Variants in STAT4 observed in about 807,000 individuals in gnomAD.
STAT4 encodes the protein signal transducer and activator of transcription 4.
In STAT4, 42 loss-of-function variants were observed where a neutral mutation model predicts 110.5. That is an observed-to-expected ratio of 0.38 (90% CI 0.30 to 0.49). The LOEUF (loss-of-function observed/expected upper bound fraction) is 0.49, where lower values mean the gene tolerates loss of function less well. Ranked by LOEUF, STAT4 falls within the 20% of genes least tolerant of loss-of-function variation. The pLI, the probability that STAT4 is intolerant of heterozygous loss-of-function variation, is 0.95. For missense variants in STAT4, 632 were observed against 887.9 expected (o/e 0.71, Z 3.66); for synonymous variants, 284 against 302.2 (o/e 0.94, Z 0.63).
chr2:191,093,361 G>A (rs1697862158), intron 3 of STAT4, among the ~76,000 whole-genome samples: 1 of 152,178 alleles, frequency 6.6e-6, no homozygotes, highest in Admixed American at 6.5e-5. Context: ...GAAGGATCAG[G>A]CAGCAATATT....
intron 3 of STAT4, among the ~76,000 whole-genome samples, chr2:191,105,928 AG>A (rs1354673129): frequency 6.6e-6 from 1 of 152,208 alleles, no homozygotes; most frequent in African/African-American, 2.4e-5. Flanking sequence ...TGTTGGCATC[AG>A]CACAGGGGCC....
rs140960347 is a variant in STAT4, at chr2:191,141,351, A to G, written c.273+5262T>C. 3.0e-3 allele frequency among the ~76,000 whole-genome samples: 451 copies of G among 150,900 alleles called. 10 individuals carry two copies. The highest frequency in any genetic ancestry group is 0.029 in the South Asian group (137 of 4,800). On this transcript the variant is annotated intron_variant, in intron 3 of 23. Transcript: ENST00000392320. Reference sequence around the variant, plus strand: ...TGAAACCACAATAAGATATCATCTTACCCCCGTTAAAATGGTTATTTTATA... The same window carrying G: ...TGAAACCACAATAAGATATCATCTTGCCCCCGTTAAAATGGTTATTTTATA...
rs1248622287 is a variant in STAT4 at position 191,037,040 on chromosome 2, G to T, written c.1435-741C>A. ...CGCTTGACATCTCTTTAACTTTTCC[G>T]TATCAGTCTACTCATGCAAGAACTT... On this transcript the variant is annotated intron_variant, in intron 16 of 23. Transcript: ENST00000392320. The surrounding 1 kb of genome is among the most constrained non-coding windows in gnomAD (Gnocchi z 4.8). Among the ~76,000 whole-genome samples, 1 of 152,038 alleles carries T rather than the reference G, an allele frequency of 6.6e-6. No homozygotes were observed. The highest frequency in any genetic ancestry group is 1.9e-4 in the East Asian group (1 of 5,182).
chr2:191,057,767 T>C (rs1696747542), intron 13 of STAT4, among the ~76,000 whole-genome samples: 1 of 151,674 alleles, frequency 6.6e-6, no homozygotes, highest in African/African-American at 2.4e-5. Context: ...CCTGGCTAAT[T>C]TTTTGTATTT....
In STAT4 at chr2:191,073,644, C is replaced by T. The variant is rs555613886; in HGVS notation, c.373-454G>A. Among the ~76,000 whole-genome samples the T allele has an allele frequency of 4.7e-4, 72 of 152,268 alleles. 2 individuals are homozygous for T. In the South Asian group the frequency reaches 0.013, roughly 28 times the overall value. ...GGCAGAGGTTGCATTGAGCTGAGAT[C>T]GTGCCACTGCGCTCCAGCCTGGGCG... is the stretch of plus-strand genomic sequence containing the variant. On this transcript the variant is annotated intron_variant, in intron 4 of 23. Transcript: ENST00000392320.
rs1311818783 is a variant in STAT4 at position 191,112,463 on chromosome 2, T to A, written c.273+34150A>T. 6.6e-6 allele frequency among the ~76,000 whole-genome samples: 1 copy of A among 152,224 alleles called. No homozygotes were observed. Among genetic ancestry groups the A allele is most frequent in the Non-Finnish European group, 1.5e-5 (1 of 68,040 alleles). On this transcript the variant is annotated intron_variant, in intron 3 of 23. Coordinates refer to ENST00000392320, the MANE Select transcript of STAT4 (RefSeq NM_003151.4). This position sits in a 1 kb window ranked among gnomAD's most constrained non-coding sequence, Gnocchi z 4.3. ...TGTATCTAGTAGTAAATGGTCATCATTGTTCTAAGCCACATATATGCAAAT... is the reference window on the plus strand; with the variant it reads ...TGTATCTAGTAGTAAATGGTCATCAATGTTCTAAGCCACATATATGCAAAT...
rs1696983987 is a variant in STAT4, at chr2:191,066,295, TC to T, written c.630+134del. 1.3e-6 allele frequency: 1 copy of T among 755,312 alleles called. No homozygotes were observed. The highest frequency in any genetic ancestry group is 2.2e-6 in the Non-Finnish European group (1 of 456,750). 46.8% of individuals were successfully genotyped at this position (755,312 alleles called of 1,614,324 possible). ...AGCATGGCAAACAGCGTGGGACTGT[TC>T]CTAGAAACCTTGCCGTTTCTTCATT... On this transcript the variant is annotated intron_variant, in intron 7 of 23. Transcript: ENST00000392320. The surrounding 1 kb of genome is among the most constrained non-coding windows in gnomAD (Gnocchi z 4.3).
At position 191,110,894 on chromosome 2, in the gene STAT4, C is replaced by T. The variant is rs1698405108; in HGVS notation, c.274-34569G>A. On this transcript the variant is annotated intron_variant, in intron 3 of 23. Coordinates refer to ENST00000392320, the MANE Select transcript of STAT4 (RefSeq NM_003151.4). The surrounding 1 kb of genome is among the most constrained non-coding windows in gnomAD (Gnocchi z 4.5). ...TGCCTCCTGGGTTCAAGCGATTCCC[C>T]TGCCTCAGCCTCCTGAGTTGCCGGG... Among the ~76,000 whole-genome samples, 1 of 152,138 alleles carries T rather than the reference C, an allele frequency of 6.6e-6. No individual in the cohort carries two copies. The highest frequency in any genetic ancestry group is 1.5e-5 in the Non-Finnish European group (1 of 68,034).
chr2:191,124,350 G>C (rs975137310), intron 3 of STAT4, among the ~76,000 whole-genome samples: 1 of 151,614 alleles, frequency 6.6e-6, no homozygotes, highest in Non-Finnish European at 1.5e-5. Context: ...AGCTACTCGG[G>C]AGGCTGAGGC....
rs1695884535 is a variant in STAT4, at chr2:191,031,241, T to C, written c.2112-161A>G. On this transcript the variant is annotated intron_variant, in intron 22 of 23. Transcript: ENST00000392320. The surrounding 1 kb of genome is among the most constrained non-coding windows in gnomAD (Gnocchi z 4.8). The stretch of plus-strand genomic sequence containing the variant: ...TCAGAACACTCAACTTACTGTGGCA[T>C]ATATGGCATATAAAAGGGGAATTTT... 2 of 879,276 alleles carry C rather than the reference T, an allele frequency of 2.3e-6. No homozygotes were observed. The highest frequency in any genetic ancestry group is 3.5e-5 in the South Asian group (2 of 57,350). The allele number at this position is 879,276 out of a possible 1,614,324, so 54.5% of individuals were successfully genotyped here.
chr2:191,080,258 G>GAT (rs1205200974), intron 3 of STAT4, among the ~76,000 whole-genome samples: 1 of 151,696 alleles, frequency 6.6e-6, no homozygotes, highest in Admixed American at 6.6e-5. Flanking sequence ...TTTCAACATA[G>GAT]ATATATATAT....
chr2:191,111,568 T>C (rs570910199), intron 3 of STAT4, among the ~76,000 whole-genome samples: 20 of 152,168 alleles, frequency 1.3e-4, no homozygotes, highest in Non-Finnish European at 2.2e-4. Flanking sequence ...AAGAAGTGCA[T>C]GGGGCCGAGT....
At position 191,031,383 on chromosome 2, in the gene STAT4, C is replaced by G; in HGVS notation, c.2111+67G>C. 2 of 1,489,738 alleles carry G rather than the reference C, an allele frequency of 1.3e-6. No individual in the cohort carries two copies. The highest frequency in any genetic ancestry group is 1.8e-6 in the Non-Finnish European group (2 of 1,082,938). The allele number at this position is 1,489,738 out of a possible 1,614,324, so 92.3% of individuals were successfully genotyped here. ...TGTTCTCAGTTATGTGTACTCTGCT[C>G]TACCTTTAAATCTCCTATAGGAAAG... On this transcript the variant is annotated intron_variant, in intron 22 of 23. Coordinates refer to ENST00000392320, the MANE Select transcript of STAT4 (RefSeq NM_003151.4). The surrounding 1 kb of genome is among the most constrained non-coding windows in gnomAD (Gnocchi z 4.8).
intron 14 of STAT4, among the ~76,000 whole-genome samples, chr2:191,049,856 A>C (rs1227070578): frequency 2.0e-5 from 3 of 152,212 alleles, no homozygotes; most frequent in Non-Finnish European, 4.4e-5. Flanking sequence ...CTAAGGTTTT[A>C]GTAATATTTT....
At chr2:191,141,398 T>C (rs997537827) in intron 3 of STAT4, among the ~76,000 whole-genome samples, 4 of 147,380 alleles carry the variant, frequency 2.7e-5, no homozygotes, top group East Asian at 2.0e-4. Context: ...ATATATATCA[T>C]ATATATACAT....
intron 3 of STAT4, among the ~76,000 whole-genome samples, chr2:191,089,531 T>C (rs745691950): frequency 7.2e-5 from 11 of 152,242 alleles, no homozygotes; most frequent in Non-Finnish European, 1.3e-4. Flanking sequence ...ACTCTTGTAA[T>C]ATGATTCAGC....
rs1040255969 is a variant in STAT4, at chr2:191,058,590, A to T, written c.1094+120T>A. 3.0e-6 allele frequency: 2 copies of T among 664,776 alleles called. No individual in the cohort carries two copies. The highest frequency in any genetic ancestry group is 3.7e-5 in the African/African-American group (2 of 53,350). 41.2% of individuals were successfully genotyped at this position (664,776 alleles called of 1,614,324 possible). On this transcript the variant is annotated intron_variant, in intron 11 of 23. Coordinates refer to ENST00000392320, the MANE Select transcript of STAT4 (RefSeq NM_003151.4). The surrounding 1 kb of genome is among the most constrained non-coding windows in gnomAD (Gnocchi z 4.3). ...AAAGTCAAATATTTGAAGTACATTC[A>T]TTATATAATGTTAGATAAGTAAATT...
In STAT4 at chr2:191,034,019, C is replaced by T. The variant is rs752673086; in HGVS notation, c.1621-14G>A. 2.6e-6 allele frequency: 4 copies of T among 1,524,448 alleles called. No individual in the cohort carries two copies. In the Admixed American group the frequency reaches 5.5e-5, roughly 21 times the overall value. The allele number at this position is 1,524,448 out of a possible 1,614,324, so 94.4% of individuals were successfully genotyped here. On this transcript the variant is annotated splice_polypyrimidine_tract_variant and intron_variant, in intron 18 of 23. Coordinates refer to ENST00000392320, the MANE Select transcript of STAT4 (RefSeq NM_003151.4). ...AGGTAAATGTTCCTACAGGAATAGA[C>T]AAGCACATTAAGACAATGATTATTT...
At chr2:191,038,936 G>T (rs1040972547) in intron 16 of STAT4, among the ~76,000 whole-genome samples, 3 of 152,116 alleles carry the variant, frequency 2.0e-5, no homozygotes, top group Non-Finnish European at 2.9e-5. Context: ...TCTCTGGTAC[G>T]CACATAGTTG....
Sources: allele counts gnomAD v4.1 joint callset (sites outside exome capture counted in the v4.1 genomes callset), GRCh38; gene constraint gnomAD v4.1.1; non-coding constraint Gnocchi (gnomAD v3.1); transcripts MANE v1.5; gene names NCBI Gene and HGNC (gene_info 2026-07-23, HGNC 2026-07-21).